Variants in LPCAT1 observed in about 807,000 individuals in gnomAD.
LPCAT1 encodes 1-acylglycerol-3-phosphate O-acyltransferase.
In LPCAT1, 23 loss-of-function variants were observed where a neutral mutation model predicts 60.9. The observed-to-expected ratio is 0.38, with a 90% CI of 0.27 to 0.53. The LOEUF is 0.53. LPCAT1 is among the 20% of genes least tolerant of loss of function. The pLI, the probability that LPCAT1 is intolerant of heterozygous loss-of-function variation, is 0.82. For synonymous variants in LPCAT1, 340 were observed against 301.1 expected, an observed-to-expected ratio of 1.13 and a Z score of -1.34; for missense variants, 622 against 723.6, an observed-to-expected ratio of 0.86 and a Z score of 1.61.
chr5:1,506,273 C>T (rs1028952390), intron 1 of LPCAT1, among the ~76,000 whole-genome samples: 1 of 152,238 alleles, frequency 6.6e-6, no homozygotes, highest in African/African-American at 2.4e-5. Flanking sequence ...CTCCACCGAT[C>T]TGCCTTCACC....
At chr5:1,486,649 G>A (rs1735381861) in intron 5 of LPCAT1, among the ~76,000 whole-genome samples, 1 of 152,062 alleles carries the variant, frequency 6.6e-6, no homozygotes, top group Non-Finnish European at 1.5e-5. Flanking sequence ...GGCTCTGGAG[G>A]GCTCCACCAC....
intron 5 of LPCAT1, among the ~76,000 whole-genome samples, chr5:1,486,467 G>A (rs995165906): frequency 6.6e-6 from 1 of 152,186 alleles, no homozygotes; most frequent in Admixed American, 6.5e-5. Context: ...AGTCAGCAGT[G>A]GTGCCCAAAC....
rs796843052 is a variant in LPCAT1, at chr5:1,516,847, A to C, written c.135+6863T>G. On this transcript the variant is annotated intron_variant, in intron 1 of 13. Transcript: ENST00000283415. ...AGAGGGCCACCAGTCACAGCAGAGG[A>C]AAGACCACACTGAGGGAAGCTGGGA... Among the ~76,000 whole-genome samples the C allele has an allele frequency of 2.6e-5, 4 of 152,184 alleles. No individual in the cohort carries two copies. In the South Asian group the frequency reaches 8.3e-4, roughly 32 times the overall value.
chr5:1,479,501 T>G (rs1054945214), intron 8 of LPCAT1, 120 bp downstream of exon 8: 18 of 760,652 alleles, frequency 2.4e-5, no homozygotes, highest in Non-Finnish European at 4.2e-5. Context: ...AACGGAAAGA[T>G]GGGAAAGCAA....
At chr5:1,494,099 G>A (rs1456749206) in intron 3 of LPCAT1, among the ~76,000 whole-genome samples, 1 of 151,988 alleles carries the variant, frequency 6.6e-6, no homozygotes, top group Non-Finnish European at 1.5e-5. Flanking sequence ...GCTGGAGTGA[G>A]CCCCCGGCTT....
At position 1,523,949 on chromosome 5, in the gene LPCAT1, G is replaced by C. The variant is rs1736758144; in HGVS notation, c.-105C>G. 1.2e-6 allele frequency: 1 copy of C among 811,346 alleles called. No homozygotes were observed. The highest frequency in any genetic ancestry group is 1.5e-6 in the Non-Finnish European group (1 of 670,326). The allele number at this position is 811,346 out of a possible 1,614,324, so 50.3% of individuals were successfully genotyped here. A position where few individuals can be genotyped will look rare whatever the true frequency, so the allele number is the denominator to read the frequency against. ...GGGGCGCGGGCCGAGGATGCGCGGC[G>C]GCTGGAGCGGGCCGGGCGCGCAGGC... On this transcript the variant is annotated 5_prime_UTR_variant, in exon 1 of 14. Coordinates refer to ENST00000283415, the MANE Select transcript of LPCAT1 (RefSeq NM_024830.5). This position sits in a 1 kb window ranked among gnomAD's most constrained non-coding sequence, Gnocchi z 7.1.
chr5:1,483,359 G>A lies in LPCAT1; in HGVS notation c.726+69C>T, dbSNP rs996454385. 96 of 1,483,190 alleles carry A rather than the reference G, an allele frequency of 6.5e-5. No individual in the cohort carries two copies. The highest frequency in any genetic ancestry group is 9.0e-5 in the Non-Finnish European group (96 of 1,061,458). The allele number at this position is 1,483,190 out of a possible 1,614,324, so 91.9% of individuals were successfully genotyped here. On this transcript the variant is annotated intron_variant, in intron 6 of 13. Coordinates refer to ENST00000283415, the MANE Select transcript of LPCAT1 (RefSeq NM_024830.5). The surrounding 1 kb of genome is among the most constrained non-coding windows in gnomAD (Gnocchi z 9.2). Reference sequence around the variant, plus strand: ...GGAGAGACAGAGACACAGGTGCACAGAGGCAGCTCGCAGTTCCCGTTTCCC... The same window carrying A: ...GGAGAGACAGAGACACAGGTGCACAAAGGCAGCTCGCAGTTCCCGTTTCCC...
In LPCAT1 at chr5:1,503,864, C is replaced by T. The variant is rs140538423; in HGVS notation, c.136-2261G>A. Among the ~76,000 whole-genome samples, 24 of 152,284 alleles carry T rather than the reference C, an allele frequency of 1.6e-4. No individual in the cohort carries two copies. In the East Asian group the frequency reaches 4.0e-3, roughly 26 times the overall value. ...CCTTTAAGATAACAGTGAAGTTGCC[C>T]GCCACACTCTCCTTGGGTTCACACC... On this transcript the variant is annotated intron_variant, in intron 1 of 13. Coordinates refer to ENST00000283415, the MANE Select transcript of LPCAT1 (RefSeq NM_024830.5).
chr5:1,512,883 C>T (rs1736398842), intron 1 of LPCAT1, among the ~76,000 whole-genome samples: 1 of 152,246 alleles, frequency 6.6e-6, no homozygotes, highest in African/African-American at 2.4e-5. Context: ...TGTCCAGGTG[C>T]AGGCAGAACG....
Position 1,477,460 on chromosome 5 carries a change from C to T in LPCAT1, c.843G>A (p.Glu281=). ...IEFLPVYSPS[E]EEKRNPALYA... is the part of the protein sequence containing the mutation. Reference sequence around the variant, plus strand: ...ACAGCGCGGGGTTCCTCTTCTCCTCCTCAGAAGGGCTGTACACAGGAAGGA... The same window carrying T: ...ACAGCGCGGGGTTCCTCTTCTCCTCTTCAGAAGGGCTGTACACAGGAAGGA... Residue 281 remains glutamate, a synonymous_variant, in exon 9 of 14, where the codon GAG becomes GAA. Transcript: ENST00000283415. This position sits in a 1 kb window ranked among gnomAD's most constrained non-coding sequence, Gnocchi z 6.0. 1 of 1,614,024 alleles carries T rather than the reference C, an allele frequency of 6.2e-7. No homozygotes were observed. Among genetic ancestry groups the T allele is most frequent in the Non-Finnish European group, 8.5e-7 (1 of 1,179,920 alleles).
chr5:1,519,583 G>A (rs1463311425), intron 1 of LPCAT1, among the ~76,000 whole-genome samples: 3 of 152,118 alleles, frequency 2.0e-5, no homozygotes, highest in Non-Finnish European at 4.4e-5. Flanking sequence ...GTGAGGTGAG[G>A]GCAGGCATCC....
Position 1,477,328 on chromosome 5 carries a change from T to C in LPCAT1, c.899+76A>G. The C allele has an allele frequency of 8.3e-7, 1 of 1,203,938 alleles. No homozygotes were observed. The highest frequency in any genetic ancestry group is 1.3e-5 in the South Asian group (1 of 78,518). 74.6% of individuals were successfully genotyped at this position (1,203,938 alleles called of 1,614,324 possible). ...AATGCCTTTTCCTAACGCTGTTGCC[T>C]ATTTTAAATATACAGAGAGCAGCAC... is the stretch of plus-strand genomic sequence containing the variant. On this transcript the variant is annotated intron_variant, in intron 9 of 13. Transcript: ENST00000283415. The surrounding 1 kb of genome is among the most constrained non-coding windows in gnomAD (Gnocchi z 6.0).
At position 1,496,706 on chromosome 5, in the gene LPCAT1, C is replaced by A. The variant is rs1269431772; in HGVS notation, c.279-1792G>T. ...GGGTGTCGGGGCAGGGAAAAAGCAG[C>A]CTCAGCTCTTCTCTAAAGATCTTGG... On this transcript the variant is annotated intron_variant, in intron 2 of 13. Transcript: ENST00000283415. The surrounding 1 kb of genome is among the most constrained non-coding windows in gnomAD (Gnocchi z 4.7). Among the ~76,000 whole-genome samples the A allele has an allele frequency of 6.6e-6, 1 of 152,194 alleles. No homozygotes were observed. Among genetic ancestry groups the A allele is most frequent in the East Asian group, 1.9e-4 (1 of 5,200 alleles).
chr5:1,472,591 A>G (rs755193571), intron 11 of LPCAT1, among the ~76,000 whole-genome samples: 1 of 152,150 alleles, frequency 6.6e-6, no homozygotes, highest in Non-Finnish European at 1.5e-5. Flanking sequence ...TTAACTGCAC[A>G]GTGTCATAAG....
rs1044749229 is a variant in LPCAT1, at chr5:1,523,417, G to A, written c.135+293C>T. On this transcript the variant is annotated intron_variant, in intron 1 of 13. Coordinates refer to ENST00000283415, the MANE Select transcript of LPCAT1 (RefSeq NM_024830.5). The surrounding 1 kb of genome is among the most constrained non-coding windows in gnomAD (Gnocchi z 7.1). ...GGCCCGGTTCAGGGTGCAGGGGTCTGGGGGGAGGAGCAGAACGCGGGGCGG... is the reference window on the plus strand; with the variant it reads ...GGCCCGGTTCAGGGTGCAGGGGTCTAGGGGGAGGAGCAGAACGCGGGGCGG... Among the ~76,000 whole-genome samples, 2 of 151,782 alleles carry A rather than the reference G, an allele frequency of 1.3e-5. No individual in the cohort carries two copies. The highest frequency in any genetic ancestry group is 2.9e-5 in the Non-Finnish European group (2 of 67,888).
intron 10 of LPCAT1, 149 bp from the exon 11 acceptor site, chr5:1,474,259 G>T: frequency 1.0e-6 from 1 of 952,940 alleles, no homozygotes; most frequent in Non-Finnish European, 1.5e-6. Flanking sequence ...TAATTGGAAG[G>T]TGCGAGATGT....
At chr5:1,509,153 AT>A (rs1229251756) in intron 1 of LPCAT1, among the ~76,000 whole-genome samples, 1 of 152,246 alleles carries the variant, frequency 6.6e-6, no homozygotes, top group Non-Finnish European at 1.5e-5. Flanking sequence ...TGCCCAAAGG[AT>A]GGCGCCCGGA....
intron 1 of LPCAT1, among the ~76,000 whole-genome samples, chr5:1,508,014 T>G (rs1248892425): frequency 6.6e-6 from 1 of 152,110 alleles, no homozygotes; most frequent in Non-Finnish European, 1.5e-5. Context: ...CGTTCACCCC[T>G]CCACCTTGCG....
intron 7 of LPCAT1, 49 bp from the exon 8 acceptor site, chr5:1,479,724 CAAGTA>C (rs769343672): frequency 2.8e-6 from 4 of 1,421,446 alleles, no homozygotes; most frequent in Non-Finnish European, 4.0e-6. Flanking sequence ...CTCGGGTTAA[CAAGTA>C]AATTACTCCC....
Sources: gnomAD v4.1 joint callset for allele counts (sites outside exome capture counted in the v4.1 genomes callset) on GRCh38, gnomAD v4.1.1 for gene constraint, Gnocchi (gnomAD v3.1) non-coding constraint, MANE v1.5 for transcripts, NCBI Gene and HGNC (gene_info 2026-07-23, HGNC 2026-07-21) for gene names.